The following IGF2BP2 variants were observed in gnomAD, a reference collection of about 807,000 sequenced individuals.
IGF2BP2 encodes the protein insulin like growth factor 2 mRNA binding protein 2.
A neutral mutation model predicts 75.8 loss-of-function variants in IGF2BP2; 17 were observed. The ratio of observed to expected loss-of-function variants is 0.22; its 90% CI spans 0.15 to 0.34. IGF2BP2 has a LOEUF of 0.34. IGF2BP2 is among the 10% of genes least tolerant of loss of function. The probability of loss-of-function intolerance (pLI) is 1.00; values close to 1 mark genes in which losing one functional copy is unlikely to be tolerated. For synonymous variants in IGF2BP2, 288 were observed against 295.6 expected (o/e 0.97, Z 0.26); for missense variants, 516 against 772.4 (o/e 0.67, Z 3.93).
At chr3:185,820,608 T>C (rs1000022172) in intron 2 of IGF2BP2, among the ~76,000 whole-genome samples, 21 of 152,146 alleles carry the variant, frequency 1.4e-4, no homozygotes, top group African/African-American at 4.3e-4. Flanking sequence ...TAGTCTATTA[T>C]GCTATTATAA....
intron 14 of IGF2BP2, among the ~76,000 whole-genome samples, chr3:185,648,014 G>A (rs1041908333): frequency 4.6e-5 from 7 of 152,242 alleles, no homozygotes; most frequent in South Asian, 2.1e-4. Context: ...TTCCAGCTCC[G>A]CCTAAAGCGC....
chr3:185,708,444 C>T (rs1724354168), intron 2 of IGF2BP2, among the ~76,000 whole-genome samples: 1 of 152,130 alleles, frequency 6.6e-6, no homozygotes, highest in South Asian at 2.1e-4. Flanking sequence ...ATTTTGGAAA[C>T]TTCACTGTGA....
intron 2 of IGF2BP2, among the ~76,000 whole-genome samples, chr3:185,705,230 G>A (rs1723855023): frequency 6.6e-6 from 1 of 152,190 alleles, no homozygotes; most frequent in Non-Finnish European, 1.5e-5. Context: ...CTGAGTAGCT[G>A]GGACTACAGG....
chr3:185,661,600 T>G (rs1233651038), intron 10 of IGF2BP2, among the ~76,000 whole-genome samples: 1 of 138,496 alleles, frequency 7.2e-6, no homozygotes, highest in Non-Finnish European at 1.5e-5. Context: ...ATCATGCCAC[T>G]GCACTCCAGC....
At chr3:185,822,142 A>G (rs973999329) in intron 2 of IGF2BP2, among the ~76,000 whole-genome samples, 2 of 152,358 alleles carry the variant, frequency 1.3e-5, no homozygotes, top group East Asian at 3.9e-4. Flanking sequence ...TCAGCAACAC[A>G]TCTAAGTATT....
chr3:185,778,827 T>C lies in IGF2BP2; in HGVS notation c.239+44326A>G, dbSNP rs1427176516. Among the ~76,000 whole-genome samples, 6 of 152,354 alleles carry C rather than the reference T, an allele frequency of 3.9e-5. No homozygotes were observed. The East Asian group carries it at 7.7e-4, about 20-fold the overall frequency. The stretch of plus-strand genomic sequence containing the variant: ...TCCAGCACACTCTGACCAACATTGC[T>C]AGTTAATCACAGAAATCTTTTCTGT... On this transcript the variant is annotated intron_variant, in intron 2 of 15. Coordinates refer to ENST00000382199, the MANE Select transcript of IGF2BP2 (RefSeq NM_006548.6).
At position 185,645,462 on chromosome 3, in the gene IGF2BP2, T is replaced by C; in HGVS notation, c.*69A>G. On this transcript the variant is annotated 3_prime_UTR_variant, in exon 16 of 16. Coordinates refer to ENST00000382199, the MANE Select transcript of IGF2BP2 (RefSeq NM_006548.6). The surrounding 1 kb of genome is among the most constrained non-coding windows in gnomAD (Gnocchi z 4.9). ...TTGCTCCCGATCTGGCTGGCTGCGT[T>C]TGGTCTCATTCTGTCAGGTGTTGGA... 1 of 1,104,556 alleles carries C rather than the reference T, an allele frequency of 9.1e-7. No individual in the cohort carries two copies. 68.4% of individuals were successfully genotyped at this position (1,104,556 alleles called of 1,614,324 possible).
intron 3 of IGF2BP2, 34 bp from the exon 4 acceptor site, chr3:185,696,697 G>A: frequency 1.3e-6 from 2 of 1,583,386 alleles, no homozygotes; most frequent in Non-Finnish European, 1.7e-6. Flanking sequence ...AGAATGGGAA[G>A]GCAAGATCAT....
intron 2 of IGF2BP2, among the ~76,000 whole-genome samples, chr3:185,759,753 A>G (rs559669097): frequency 6.6e-6 from 1 of 152,352 alleles, no homozygotes; most frequent in African/African-American, 2.4e-5. Context: ...CAATGAGACA[A>G]GTGCTGCAAA....
chr3:185,805,479 T>C (rs1160196236), intron 2 of IGF2BP2, among the ~76,000 whole-genome samples: 1 of 152,186 alleles, frequency 6.6e-6, no homozygotes, highest in Non-Finnish European at 1.5e-5. Context: ...ATCAAGACTG[T>C]GTGAGACCTG....
intron 2 of IGF2BP2, among the ~76,000 whole-genome samples, chr3:185,769,258 G>A (rs966295745): frequency 6.6e-6 from 1 of 151,908 alleles, no homozygotes; most frequent in Non-Finnish European, 1.5e-5. Flanking sequence ...AGTTGAGGTG[G>A]AAGGAGGACT....
intron 2 of IGF2BP2, among the ~76,000 whole-genome samples, chr3:185,700,272 T>C (rs1723113156): frequency 6.6e-6 from 1 of 152,222 alleles, no homozygotes; most frequent in South Asian, 2.1e-4. Context: ...AATGAGGGGC[T>C]CTAGTTTTCT....
chr3:185,813,356 T>C lies in IGF2BP2; in HGVS notation c.239+9797A>G, dbSNP rs142195419. Among the ~76,000 whole-genome samples, 96 of 152,330 alleles carry C rather than the reference T, an allele frequency of 6.3e-4. No individual in the cohort carries two copies. The East Asian group carries it at 0.017, about 27-fold the overall frequency. Reference sequence around the variant, plus strand: ...ATTTTTCAATATCTGAGCTTAAAATTTGGTTTCTCAGATCCTTGATTTCAT... The same window carrying C: ...ATTTTTCAATATCTGAGCTTAAAATCTGGTTTCTCAGATCCTTGATTTCAT... On this transcript the variant is annotated intron_variant, in intron 2 of 15. Transcript: ENST00000382199.
At chr3:185,803,553 AATGG>A (rs1161174784) in intron 2 of IGF2BP2, among the ~76,000 whole-genome samples, 7 of 152,244 alleles carry the variant, frequency 4.6e-5, no homozygotes, top group East Asian at 1.9e-4. Context: ...AACGTTTTTG[AATGG>A]ATGGATTTTT....
intron 2 of IGF2BP2, among the ~76,000 whole-genome samples, chr3:185,773,370 T>C (rs1463074460): frequency 6.6e-6 from 1 of 152,218 alleles, no homozygotes; most frequent in East Asian, 1.9e-4. Context: ...TATTAGACCT[T>C]CAAATAATTT....
intron 6 of IGF2BP2, among the ~76,000 whole-genome samples, chr3:185,688,674 A>G (rs1205765005): frequency 2.0e-5 from 3 of 152,304 alleles, no homozygotes; most frequent in African/African-American, 7.2e-5. Context: ...TTTTTATAGA[A>G]GAGGCAACTG....
At chr3:185,709,986 T>C (rs187762334) in intron 2 of IGF2BP2, among the ~76,000 whole-genome samples, 163 of 152,228 alleles carry the variant, frequency 1.1e-3, no homozygotes, top group African/African-American at 3.6e-3. Flanking sequence ...TAAGGACCCA[T>C]TATAGGCTAA....
chr3:185,772,684 C>T (rs1018662778), intron 2 of IGF2BP2, among the ~76,000 whole-genome samples: 5 of 150,552 alleles, frequency 3.3e-5, no homozygotes, highest in African/African-American at 4.9e-5. Context: ...CAGATTCAAG[C>T]GATTCTCCTG....
At chr3:185,670,731 G>C (rs1202948159) in intron 10 of IGF2BP2, among the ~76,000 whole-genome samples, 1 of 151,966 alleles carries the variant, frequency 6.6e-6, no homozygotes, top group African/African-American at 2.4e-5. Context: ...CACCACACCT[G>C]GCTAATTCTT....
Sources: allele counts gnomAD v4.1 joint callset (sites outside exome capture counted in the v4.1 genomes callset), GRCh38; gene constraint gnomAD v4.1.1; non-coding constraint Gnocchi (gnomAD v3.1); transcripts MANE v1.5; gene names NCBI Gene and HGNC (gene_info 2026-07-23, HGNC 2026-07-21).